Variants in HS3ST3A1 observed in about 807,000 individuals in gnomAD.
HS3ST3A1 encodes the protein heparan sulfate glucosamine 3-O-sulfotransferase 3A1.
Under a neutral mutation model 25.7 loss-of-function variants are expected in HS3ST3A1, and 19 were observed. That is an observed-to-expected ratio of 0.74 (90% confidence interval 0.52 to 1.08). The LOEUF is 1.08. HS3ST3A1 is among the 50% of genes least tolerant of loss of function. The probability of loss-of-function intolerance (pLI) is 0.00; values close to 1 mark genes in which losing one functional copy is unlikely to be tolerated. For synonymous variants in HS3ST3A1, 226 were observed against 278.6 expected (o/e 0.81, Z 1.88); for missense variants, 459 against 594.3 (o/e 0.77, Z 2.37).
intron 1 of HS3ST3A1, among the ~76,000 whole-genome samples, chr17:13,552,538 G>A (rs534144923): frequency 3.9e-5 from 6 of 152,176 alleles, no homozygotes; most frequent in Non-Finnish European, 5.9e-5. Flanking sequence ...AGAGGAGGCC[G>A]TTTCTGCCTC....
intron 1 of HS3ST3A1, among the ~76,000 whole-genome samples, chr17:13,517,273 A>C (rs1466185067): frequency 6.6e-6 from 1 of 152,230 alleles, no homozygotes; most frequent in East Asian, 1.9e-4. Flanking sequence ...CTAAAGTGCA[A>C]AATTTTTATT....
At chr17:13,588,512 C>G (rs554203989) in intron 1 of HS3ST3A1, among the ~76,000 whole-genome samples, 33 of 152,228 alleles carry the variant, frequency 2.2e-4, no homozygotes, top group African/African-American at 7.9e-4. Flanking sequence ...GTTTTTCAAA[C>G]TGTTTTTTTC....
rs534967567 is a variant in HS3ST3A1, at chr17:13,516,250, C to T, written c.600-19432G>A. Among the ~76,000 whole-genome samples, 7 of 152,056 alleles carry T rather than the reference C, an allele frequency of 4.6e-5. No individual in the cohort carries two copies. In the East Asian group the frequency reaches 9.7e-4, roughly 21 times the overall value. On this transcript the variant is annotated intron_variant, in intron 1 of 1. Transcript: ENST00000284110. ...GCTTGAACCCAGGAGGCAGAGGTTG[C>T]GGTGAGCAGAGATTGCATCATTGGA...
chr17:13,571,378 T>G (rs544084115), intron 1 of HS3ST3A1, among the ~76,000 whole-genome samples: 1 of 152,368 alleles, frequency 6.6e-6, no homozygotes, highest in East Asian at 1.9e-4. Context: ...AGTCTTCCTA[T>G]TCTCATATTT....
intron 1 of HS3ST3A1, among the ~76,000 whole-genome samples, chr17:13,508,383 T>A (rs1905755536): frequency 6.6e-6 from 1 of 152,192 alleles, no homozygotes; most frequent in Non-Finnish European, 1.5e-5. Flanking sequence ...CGAATCCATC[T>A]GTAGTCAGGT....
chr17:13,497,957 G>T (rs1939407908), intron 1 of HS3ST3A1, among the ~76,000 whole-genome samples: 2 of 152,140 alleles, frequency 1.3e-5, no homozygotes, highest in Admixed American at 1.3e-4. Flanking sequence ...TTAATTCCCT[G>T]TGATTTTGTC....
At chr17:13,535,245 T>C (rs1906736406) in intron 1 of HS3ST3A1, among the ~76,000 whole-genome samples, 1 of 152,192 alleles carries the variant, frequency 6.6e-6, no homozygotes, top group Admixed American at 6.5e-5. Context: ...AATAGTGCTA[T>C]ACCTTGTGCC....
At chr17:13,520,228 T>C (rs1448687988) in intron 1 of HS3ST3A1, among the ~76,000 whole-genome samples, 1 of 152,374 alleles carries the variant, frequency 6.6e-6, no homozygotes, top group Non-Finnish European at 1.5e-5. Flanking sequence ...TCTTATGCTA[T>C]TGCTTTGACT....
Position 13,512,323 on chromosome 17 carries a change from A to C in HS3ST3A1, c.600-15505T>G, listed in dbSNP as rs555864973. Among the ~76,000 whole-genome samples, 956 of 151,136 alleles carry C rather than the reference A, an allele frequency of 6.3e-3. 15 individuals are homozygous for C. Among genetic ancestry groups the C allele is most frequent in the Middle Eastern group, 0.024 (7 of 290 alleles). ...TCCGTCTCAAAAAAAAAAAAAAAAA[A>C]AAAACTGCATGATCCCATTTATATG... On this transcript the variant is annotated intron_variant, in intron 1 of 1. Coordinates refer to ENST00000284110, the MANE Select transcript of HS3ST3A1 (RefSeq NM_006042.3).
intron 1 of HS3ST3A1, among the ~76,000 whole-genome samples, chr17:13,584,591 G>GAAGA (rs966844539): frequency 4.0e-5 from 6 of 151,238 alleles, no homozygotes; most frequent in Middle Eastern, 3.4e-3. Flanking sequence ...GGGAAGGAAG[G>GAAGA]AAGAAAGGAA....
At chr17:13,515,457 A>G (rs1050493609) in intron 1 of HS3ST3A1, among the ~76,000 whole-genome samples, 10 of 144,042 alleles carry the variant, frequency 6.9e-5, no homozygotes, top group Middle Eastern at 3.6e-3. Context: ...ACTGTGTCCA[A>G]CCAGTTTGTT....
At chr17:13,520,003 C>T (rs895817027) in intron 1 of HS3ST3A1, among the ~76,000 whole-genome samples, 1 of 152,158 alleles carries the variant, frequency 6.6e-6, no homozygotes, top group Non-Finnish European at 1.5e-5. Context: ...TACCTGATTC[C>T]ATCTCCTAAT....
intron 1 of HS3ST3A1, among the ~76,000 whole-genome samples, chr17:13,525,777 C>T (rs536595657): frequency 8.7e-4 from 132 of 152,266 alleles, no homozygotes; most frequent in Middle Eastern, 6.8e-3. Context: ...CTATATTTGT[C>T]CATATTTGGG....
intron 1 of HS3ST3A1, among the ~76,000 whole-genome samples, chr17:13,517,936 G>T (rs1043739215): frequency 1.3e-5 from 2 of 152,176 alleles, no homozygotes; most frequent in African/African-American, 2.4e-5. Flanking sequence ...GAGTCACTGT[G>T]CCTGGCCGTA....
intron 1 of HS3ST3A1, among the ~76,000 whole-genome samples, chr17:13,547,844 G>C (rs562823669): frequency 6.6e-6 from 1 of 151,654 alleles, no homozygotes; most frequent in East Asian, 1.9e-4. Flanking sequence ...CTTAACTCCA[G>C]GGATAGGATG....
At chr17:13,571,244 TC>T (rs1907801263) in intron 1 of HS3ST3A1, among the ~76,000 whole-genome samples, 1 of 151,958 alleles carries the variant, frequency 6.6e-6, no homozygotes, top group South Asian at 2.1e-4. Context: ...CAGATAAAAA[TC>T]CCCCGAAATA....
At chr17:13,505,951 C>T (rs560244608) in intron 1 of HS3ST3A1, among the ~76,000 whole-genome samples, 16 of 146,326 alleles carry the variant, frequency 1.1e-4, no homozygotes, top group Admixed American at 2.1e-4. Flanking sequence ...CACTTGAACC[C>T]GGGAGGCGGA....
chr17:13,559,213 C>CA (rs1176040948), intron 1 of HS3ST3A1, among the ~76,000 whole-genome samples: 1 of 151,950 alleles, frequency 6.6e-6, no homozygotes, highest in Non-Finnish European at 1.5e-5. Context: ...ATTATGACAA[C>CA]AAAAAAAGAG....
At chr17:13,542,049 C>T (rs1345696726) in intron 1 of HS3ST3A1, among the ~76,000 whole-genome samples, 1 of 152,048 alleles carries the variant, frequency 6.6e-6, no homozygotes, top group South Asian at 2.1e-4. Context: ...AATGAGGGGT[C>T]GGGCACAGTG....
Sources: allele counts gnomAD v4.1 joint callset (sites outside exome capture counted in the v4.1 genomes callset), GRCh38; gene constraint gnomAD v4.1.1; transcripts MANE v1.5; gene names NCBI Gene and HGNC (gene_info 2026-07-23, HGNC 2026-07-21).